RAD51B: variants seen among roughly 807,000 people sequenced by gnomAD.
The protein encoded by RAD51B is RAD51 paralog B.
A neutral mutation model predicts 42.2 loss-of-function variants in RAD51B; 38 were observed. The ratio of observed to expected loss-of-function variants is 0.90; its 90% CI spans 0.70 to 1.18. RAD51B has a LOEUF of 1.18. RAD51B is among the 50% of genes most tolerant of loss of function. The probability of loss-of-function intolerance (pLI) is 0.00; values close to 1 mark genes in which losing one functional copy is unlikely to be tolerated. For synonymous variants in RAD51B, 154 were observed against 145.2 expected (o/e 1.06, Z -0.43); for missense variants, 373 against 400.7 (o/e 0.93, Z 0.59).
intron 7 of RAD51B, among the ~76,000 whole-genome samples, chr14:68,194,928 A>G (rs1418804927): frequency 6.6e-6 from 1 of 152,216 alleles, no homozygotes; most frequent in East Asian, 1.9e-4. Context: ...TAAGAACTAT[A>G]GAACACTTTA....
chr14:68,218,433 A>G (rs531871907), intron 7 of RAD51B, among the ~76,000 whole-genome samples: 8 of 152,342 alleles, frequency 5.3e-5, no homozygotes, highest in African/African-American at 1.9e-4. Flanking sequence ...AACAGTTTTT[A>G]TGGCTATCAG....
chr14:68,021,704 A>C (rs972435451), intron 7 of RAD51B, among the ~76,000 whole-genome samples: 1 of 152,232 alleles, frequency 6.6e-6, no homozygotes, highest in African/African-American at 2.4e-5. Context: ...AAGCAGTTAT[A>C]GCAATAAAGT....
intron 10 of RAD51B, among the ~76,000 whole-genome samples, chr14:68,572,891 C>T (rs2140043205): frequency 1.3e-5 from 2 of 152,310 alleles, no homozygotes; most frequent in Middle Eastern, 6.8e-3. Context: ...ATCCTCATCA[C>T]AACCCTAGAC....
chr14:68,293,216 A>G (rs1222741858), intron 8 of RAD51B, among the ~76,000 whole-genome samples: 1 of 151,524 alleles, frequency 6.6e-6, no homozygotes, highest in Admixed American at 6.6e-5. Flanking sequence ...ATCTTAGAAT[A>G]GTTTTTTTTG....
intron 7 of RAD51B, among the ~76,000 whole-genome samples, chr14:68,204,248 T>G (rs1294833478): frequency 3.3e-5 from 5 of 152,238 alleles, no homozygotes; most frequent in African/African-American, 4.8e-5. Context: ...ATTGTAAGGT[T>G]ATTAATTGAA....
At chr14:67,827,995 G>A (rs927553929) in intron 3 of RAD51B, among the ~76,000 whole-genome samples, 6 of 152,126 alleles carry the variant, frequency 3.9e-5, no homozygotes, top group Admixed American at 3.9e-4. Context: ...ATTCCTTTGG[G>A]TATATACCTG....
intron 9 of RAD51B, among the ~76,000 whole-genome samples, chr14:68,446,820 G>A (rs2085432402): frequency 6.6e-6 from 1 of 152,122 alleles, no homozygotes; most frequent in African/African-American, 2.4e-5. Context: ...CTGTGCCTCA[G>A]GTCAGTTACT....
intron 7 of RAD51B, among the ~76,000 whole-genome samples, chr14:67,910,772 T>A (rs1326461399): frequency 6.6e-6 from 1 of 151,998 alleles, no homozygotes; most frequent in Non-Finnish European, 1.5e-5. Context: ...ACGTTAGGGC[T>A]GAATAAAAGA....
intron 7 of RAD51B, among the ~76,000 whole-genome samples, chr14:68,093,782 C>CA (rs1802770866): frequency 6.6e-6 from 1 of 152,010 alleles, no homozygotes; most frequent in Non-Finnish European, 1.5e-5. Flanking sequence ...ATTGCATTTA[C>CA]AAAAAAGTAG....
At chr14:67,914,181 C>T (rs138412879) in intron 7 of RAD51B, among the ~76,000 whole-genome samples, 9,093 of 152,102 alleles carry the variant, frequency 0.06, 638 homozygotes, top group African/African-American at 0.17. Context: ...CGAGGTTTCA[C>T]CATATTAGCC....
intron 4 of RAD51B, among the ~76,000 whole-genome samples, chr14:67,836,073 G>T (rs1318056830): frequency 6.6e-6 from 1 of 152,128 alleles, no homozygotes; most frequent in Non-Finnish European, 1.5e-5. Flanking sequence ...AATACTGTTG[G>T]ATAACAAATT....
At chr14:68,302,522 C>T (rs2081765338) in intron 8 of RAD51B, among the ~76,000 whole-genome samples, 1 of 152,164 alleles carries the variant, frequency 6.6e-6, no homozygotes, top group African/African-American at 2.4e-5. Flanking sequence ...CCGAGACCAG[C>T]TCGGTTGGGG....
intron 4 of RAD51B, among the ~76,000 whole-genome samples, chr14:67,863,008 G>A (rs2042212090): frequency 6.6e-6 from 1 of 152,070 alleles, no homozygotes; most frequent in Non-Finnish European, 1.5e-5. Context: ...GTTGGGGTAT[G>A]TGGTCAAATA....
intron 7 of RAD51B, among the ~76,000 whole-genome samples, chr14:67,952,879 A>C (rs545259684): frequency 8.9e-4 from 136 of 152,188 alleles, no homozygotes; most frequent in African/African-American, 3.2e-3. Context: ...AGTTTAGTTT[A>C]GTTTAGTTTT....
chr14:67,953,619 C>A (rs2074493919), intron 7 of RAD51B, among the ~76,000 whole-genome samples: 1 of 151,904 alleles, frequency 6.6e-6, no homozygotes, highest in African/African-American at 2.4e-5. Flanking sequence ...ATTGCAGAGG[C>A]CCAGGTGAGA....
chr14:68,220,241 A>G (rs766076491), intron 7 of RAD51B, among the ~76,000 whole-genome samples: 2 of 152,234 alleles, frequency 1.3e-5, no homozygotes, highest in Admixed American at 1.3e-4. Flanking sequence ...GAGAAATCTG[A>G]AAGTTTAGAA....
intron 10 of RAD51B, among the ~76,000 whole-genome samples, chr14:68,504,285 G>T (rs767727031): frequency 1.8e-4 from 28 of 152,134 alleles, no homozygotes; most frequent in Non-Finnish European, 3.4e-4. Flanking sequence ...GGGATCTGAA[G>T]GTCTAGGAAA....
chr14:68,536,271 A>G (rs2189517), intron 10 of RAD51B, among the ~76,000 whole-genome samples: 74,499 of 152,050 alleles, frequency 0.49, 19,091 homozygotes, highest in East Asian at 0.7. Context: ...CTGGGAAAAG[A>G]TAATCCGCCA....
At chr14:68,513,853 CCA>C (rs1285027644) in intron 10 of RAD51B, among the ~76,000 whole-genome samples, 2 of 152,166 alleles carry the variant, frequency 1.3e-5, no homozygotes, top group Non-Finnish European at 2.9e-5. Flanking sequence ...GTTTCACTTA[CCA>C]CATTTCAAGG....
Sources: allele counts gnomAD v4.1 joint callset (sites outside exome capture counted in the v4.1 genomes callset), GRCh38; gene constraint gnomAD v4.1.1; transcripts MANE v1.5; gene names NCBI Gene and HGNC (gene_info 2026-07-23, HGNC 2026-07-21).